The following LIG1 variants were observed in gnomAD, a reference collection of about 807,000 sequenced individuals.
The protein encoded by LIG1 is ligase I, DNA, ATP-dependent.
A neutral mutation model predicts 115.7 loss-of-function variants in LIG1; 70 were observed. That is an observed-to-expected ratio of 0.60 (90% CI 0.50 to 0.74). LIG1 has a LOEUF of 0.74. Among genes scored for constraint, LIG1 ranks in the 30% least tolerant of loss-of-function variants. The pLI is 0.00. For missense variants in LIG1, 1,115 were observed against 1,225.6 expected (o/e 0.91, Z 1.35); for synonymous variants, 487 against 495.3 (o/e 0.98, Z 0.22).
At chr19:48,167,847 A>AC (rs1356516794) in intron 1 of LIG1, among the ~76,000 whole-genome samples, 10 of 151,424 alleles carry the variant, frequency 6.6e-5, no homozygotes, top group African/African-American at 1.7e-4. Flanking sequence ...AAAAAAAAAA[A>AC]AAACAAACAA....
intron 21 of LIG1, among the ~76,000 whole-genome samples, chr19:48,123,854 T>TTA (rs367699497): frequency 5.6e-4 from 77 of 137,240 alleles, no homozygotes; most frequent in South Asian, 2.4e-3. Flanking sequence ...CCAAGATAAT[T>TTA]AAAAAAAAAA....
At chr19:48,125,848 C>T (rs1014746348) in intron 21 of LIG1, among the ~76,000 whole-genome samples, 5 of 151,852 alleles carry the variant, frequency 3.3e-5, no homozygotes, top group African/African-American at 7.2e-5. Flanking sequence ...ATTCGCCAGG[C>T]GTGGTGGTGC....
chr19:48,163,633 TA>T (rs902427078), intron 2 of LIG1, among the ~76,000 whole-genome samples: 37 of 150,308 alleles, frequency 2.5e-4, no homozygotes, highest in Non-Finnish European at 1.8e-4. Context: ...GCAGAAATAT[TA>T]AGCAAACAAC....
chr19:48,132,922 C>T (rs2034134060), intron 18 of LIG1, 60 bp downstream of exon 18: 2 of 1,279,650 alleles, frequency 1.6e-6, no homozygotes, highest in Admixed American at 1.7e-5. Context: ...TCAGTGACCC[C>T]ACACCCCTGC....
chr19:48,142,457 A>AAAAAAAAAAAAAAAAAAAAC (rs71181650), intron 11 of LIG1, among the ~76,000 whole-genome samples: 10 of 148,046 alleles, frequency 6.8e-5, no homozygotes, highest in Non-Finnish European at 1.3e-4. Flanking sequence ...AAAAAAAAAA[A>AAAAAAAAAAAAAAAAAAAAC]CAGAGTGCTG....
chr19:48,115,454 A>G lies in LIG1; in HGVS notation c.*195T>C, dbSNP rs251692. The G allele has an allele frequency of 0.59, 360,513 of 608,618 alleles. 110,911 individuals are homozygous for G. Among genetic ancestry groups the G allele is most frequent in the East Asian group, 0.87 (30,486 of 35,160 alleles). The allele number at this position is 608,618 out of a possible 1,614,324, so 37.7% of individuals were successfully genotyped here. A position where few individuals can be genotyped will look rare whatever the true frequency, so the allele number is the denominator to read the frequency against. ...AGACCCTGTCACAAAGTAGCTATCC[A>G]ATAATTATTTATTGAAAGAAATGAC... On this transcript the variant is annotated 3_prime_UTR_variant, in exon 28 of 28. Coordinates refer to ENST00000263274, the MANE Select transcript of LIG1 (RefSeq NM_000234.3).
chr19:48,143,646 C>G, intron 10 of LIG1, 47 bp from the exon 11 acceptor site: 2 of 1,523,190 alleles, frequency 1.3e-6, no homozygotes, highest in Non-Finnish European at 1.8e-6. Flanking sequence ...GCAGGCTATA[C>G]CATGCTGCCC....
In LIG1 at chr19:48,156,934, G is replaced by GTC. The variant is rs2035876864; in HGVS notation, c.370+78_370+79dup. On this transcript the variant is annotated intron_variant, in intron 5 of 27. Coordinates refer to ENST00000263274, the MANE Select transcript of LIG1 (RefSeq NM_000234.3). The stretch of plus-strand genomic sequence containing the variant: ...AGCCTAGGCAACAGAGCGAGACTAT[G>GTC]TCTCAAAAAAAAAAAAAAAAAAAAA... 117 of 1,045,754 alleles carry GTC rather than the reference G, an allele frequency of 1.1e-4. 1 individual carries two copies. In the South Asian group the frequency reaches 1.6e-3, roughly 14 times the overall value. 64.8% of individuals were successfully genotyped at this position (1,045,754 alleles called of 1,614,324 possible). A position where few individuals can be genotyped will look rare whatever the true frequency, so the allele number is the denominator to read the frequency against.
At chr19:48,155,724 T>C (rs530908867) in intron 5 of LIG1, among the ~76,000 whole-genome samples, 2 of 152,264 alleles carry the variant, frequency 1.3e-5, no homozygotes, top group South Asian at 2.1e-4. Flanking sequence ...TCTGTTTTCA[T>C]GCTAGGTCTT....
At chr19:48,154,117 C>T (rs528012832) in intron 5 of LIG1, 150 bp from the exon 6 acceptor site, 1 of 721,814 alleles carries the variant, frequency 1.4e-6, no homozygotes, top group Non-Finnish European at 2.5e-6. Context: ...GTGCAGGCCG[C>T]ACCCTTCAAT....
chr19:48,151,168 C>A, intron 7 of LIG1, 64 bp downstream of exon 7: 1 of 950,676 alleles, frequency 1.1e-6, no homozygotes, highest in Non-Finnish European at 1.7e-6. Flanking sequence ...TAATCATCCT[C>A]CAAAGACTTC....
chr19:48,116,447 C>CAAAAA (rs57648628), intron 26 of LIG1, among the ~76,000 whole-genome samples: 1 of 98,400 alleles, frequency 1.0e-5, no homozygotes. Context: ...GACTCCAACT[C>CAAAAA]AAAAAAAAAA....
chr19:48,159,279 C>T (rs1174575463), intron 4 of LIG1, among the ~76,000 whole-genome samples: 4 of 152,126 alleles, frequency 2.6e-5, no homozygotes, highest in African/African-American at 4.8e-5. Context: ...ACTATGTTGG[C>T]CTGGCTGCTC....
chr19:48,162,140 C>T (rs2036216284), intron 3 of LIG1, 122 bp downstream of exon 3: 1 of 847,502 alleles, frequency 1.2e-6, no homozygotes, highest in South Asian at 1.4e-5. Context: ...GGACTTCTGG[C>T]CACCTGGCTG....
At chr19:48,134,155 G>A in intron 16 of LIG1, 89 bp from the exon 17 acceptor site, 7 of 1,225,672 alleles carry the variant, frequency 5.7e-6, no homozygotes, top group Non-Finnish European at 7.0e-6. Context: ...CCAGAAGCCT[G>A]GGCTCCTGGA....
intron 3 of LIG1, 130 bp from the exon 4 acceptor site, chr19:48,161,637 G>C: frequency 9.0e-7 from 1 of 1,109,430 alleles, no homozygotes; most frequent in South Asian, 1.4e-5. Flanking sequence ...ACATTTTCTG[G>C]TTGTCTCCTC....
rs112380329 is a variant in LIG1, at chr19:48,160,819, A to G, written c.243+553T>C. Among the ~76,000 whole-genome samples, 1,278 of 151,858 alleles carry G rather than the reference A, an allele frequency of 8.4e-3. 15 individuals carry two copies. The highest frequency in any genetic ancestry group is 0.029 in the African/African-American group (1,208 of 41,382). The stretch of plus-strand genomic sequence containing the variant: ...ACAATCACAGTTCACTGCAGCCTTG[A>G]ACACCCGGGCTCAAGCGATCCTCCT... On this transcript the variant is annotated intron_variant, in intron 4 of 27. Coordinates refer to ENST00000263274, the MANE Select transcript of LIG1 (RefSeq NM_000234.3).
chr19:48,129,761 T>A (rs766516881), intron 19 of LIG1, among the ~76,000 whole-genome samples: 1 of 152,124 alleles, frequency 6.6e-6, no homozygotes, highest in Non-Finnish European at 1.5e-5. Context: ...TTTGATTTTT[T>A]ATTTTTATTT....
At chr19:48,161,854 C>T (rs1485573502) in intron 3 of LIG1, among the ~76,000 whole-genome samples, 4 of 126,676 alleles carry the variant, frequency 3.2e-5, no homozygotes, top group Non-Finnish European at 6.3e-5. Flanking sequence ...GAGATGGAAT[C>T]TTGCTCTGTC....
Sources: gnomAD v4.1 joint callset for allele counts (sites outside exome capture counted in the v4.1 genomes callset) on GRCh38, gnomAD v4.1.1 for gene constraint, MANE v1.5 for transcripts, NCBI Gene and HGNC (gene_info 2026-07-23, HGNC 2026-07-21) for gene names.